Variants in DGKB observed in about 807,000 individuals in gnomAD.
The protein encoded by DGKB is diacylglycerol kinase beta.
Under a neutral mutation model 114.3 loss-of-function variants are expected in DGKB, and 67 were observed. The observed-to-expected ratio is 0.59, with a 90% CI of 0.48 to 0.72. The LOEUF is 0.72. Ranked by LOEUF, DGKB falls within the 30% of genes least tolerant of loss-of-function variation. DGKB has a pLI of 0.00. For synonymous variants in DGKB, 398 were observed against 323.1 expected (o/e 1.23, Z -2.49); for missense variants, 907 against 975.2 (o/e 0.93, Z 0.93).
chr7:14,674,667 T>C (rs1377933998), intron 12 of DGKB, among the ~76,000 whole-genome samples: 3 of 152,042 alleles, frequency 2.0e-5, no homozygotes, highest in Non-Finnish European at 1.5e-5. Context: ...CAATGACTGG[T>C]GTCCTTATAA....
intron 21 of DGKB, among the ~76,000 whole-genome samples, chr7:14,434,679 T>C (rs1828979564): frequency 6.6e-6 from 1 of 152,132 alleles, no homozygotes; most frequent in East Asian, 1.9e-4. Context: ...GTGTATGTTG[T>C]TTTAAGTTAC....
intron 1 of DGKB, among the ~76,000 whole-genome samples, chr7:14,845,124 A>T (rs866233642): frequency 1.2e-5 from 1 of 82,834 alleles, no homozygotes; most frequent in African/African-American, 4.7e-5. Context: ...AAAAAAAAAA[A>T]AAAAAAAAAA....
intron 1 of DGKB, among the ~76,000 whole-genome samples, chr7:14,878,108 A>G (rs926076821): frequency 3.9e-5 from 6 of 152,140 alleles, no homozygotes; most frequent in African/African-American, 1.4e-4. Context: ...ATGTACATAA[A>G]CAAATAGAGC....
At chr7:14,590,054 A>G (rs1425998834) in intron 17 of DGKB, among the ~76,000 whole-genome samples, 1 of 151,580 alleles carries the variant, frequency 6.6e-6, no homozygotes, top group African/African-American at 2.4e-5. Flanking sequence ...AGATATACCT[A>G]ATGCTAGATG....
chr7:14,441,131 C>T (rs982615063), intron 21 of DGKB, among the ~76,000 whole-genome samples: 1 of 152,088 alleles, frequency 6.6e-6, no homozygotes, highest in Non-Finnish European at 1.5e-5. Context: ...ACCTCAGACT[C>T]TCTAGCGGCT....
chr7:14,557,596 T>C (rs901233451), intron 20 of DGKB, among the ~76,000 whole-genome samples: 6 of 152,110 alleles, frequency 3.9e-5, no homozygotes, highest in Admixed American at 3.9e-4. Context: ...AAAAATAACA[T>C]CTTCATGGCT....
At chr7:14,865,478 A>G (rs371426081) in intron 1 of DGKB, among the ~76,000 whole-genome samples, 2 of 152,340 alleles carry the variant, frequency 1.3e-5, no homozygotes. Flanking sequence ...CTCCCCCAGG[A>G]CAGCTTCAAC....
At chr7:14,955,186 T>A (rs1190107568) in intron 1 of DGKB, among the ~76,000 whole-genome samples, 1 of 152,038 alleles carries the variant, frequency 6.6e-6, no homozygotes, top group Non-Finnish European at 1.5e-5. Flanking sequence ...TTAACAAAAA[T>A]CATTTGCAAG....
intron 2 of DGKB, among the ~76,000 whole-genome samples, chr7:14,782,361 A>G (rs1839244053): frequency 6.6e-6 from 1 of 152,322 alleles, no homozygotes; most frequent in South Asian, 2.1e-4. Context: ...AGTAATGAAT[A>G]CTATGATTGC....
intron 17 of DGKB, among the ~76,000 whole-genome samples, chr7:14,584,068 C>G (rs568577735): frequency 2.0e-5 from 3 of 152,250 alleles, no homozygotes; most frequent in African/African-American, 7.2e-5. Context: ...TAAAACTGTG[C>G]TATACATACT....
At chr7:14,637,809 G>C (rs1285055806) in intron 13 of DGKB, among the ~76,000 whole-genome samples, 3 of 151,648 alleles carry the variant, frequency 2.0e-5, no homozygotes, top group Non-Finnish European at 2.9e-5. Flanking sequence ...TAGAATTTCA[G>C]TAATAAATAC....
At chr7:14,401,963 TACACAC>T (rs68097407) in intron 21 of DGKB, among the ~76,000 whole-genome samples, 1 of 148,328 alleles carries the variant, frequency 6.7e-6, no homozygotes, top group African/African-American at 2.5e-5. Context: ...CAATAATTTG[TACACAC>T]ACACACACAC....
At chr7:14,858,747 G>A (rs891237149) in intron 1 of DGKB, among the ~76,000 whole-genome samples, 4 of 152,150 alleles carry the variant, frequency 2.6e-5, no homozygotes, top group African/African-American at 9.6e-5. Flanking sequence ...GGAGCTTTAG[G>A]TAATTGACCA....
At chr7:14,879,326 T>C (rs1047805218) in intron 1 of DGKB, among the ~76,000 whole-genome samples, 2 of 152,166 alleles carry the variant, frequency 1.3e-5, no homozygotes, top group African/African-American at 4.8e-5. Flanking sequence ...TTCCATGCTT[T>C]GCATTCAGTA....
chr7:14,560,858 T>A (rs77774739), intron 20 of DGKB, among the ~76,000 whole-genome samples: 3,070 of 152,312 alleles, frequency 0.02, 107 homozygotes, highest in African/African-American at 0.068. Flanking sequence ...ATCTTCACAA[T>A]CACCTGTTGT....
At chr7:14,932,468 T>C (rs188610378) in intron 1 of DGKB, among the ~76,000 whole-genome samples, 1 of 152,346 alleles carries the variant, frequency 6.6e-6, no homozygotes, top group East Asian at 1.9e-4. Flanking sequence ...CCTAAACTAC[T>C]AATAGTTCTT....
intron 9 of DGKB, among the ~76,000 whole-genome samples, chr7:14,687,248 T>A (rs1821872374): frequency 6.6e-6 from 1 of 152,180 alleles, no homozygotes; most frequent in Non-Finnish European, 1.5e-5. Flanking sequence ...CATAAAACTG[T>A]GGCAAGCTAA....
At chr7:14,264,378 G>A (rs1015875525) in intron 23 of DGKB, among the ~76,000 whole-genome samples, 39 of 152,202 alleles carry the variant, frequency 2.6e-4, no homozygotes, top group African/African-American at 7.7e-4. Context: ...GAAAACAACC[G>A]CTTCTGGGGA....
chr7:14,727,903 G>A (rs1166063490), intron 5 of DGKB, among the ~76,000 whole-genome samples: 1 of 152,160 alleles, frequency 6.6e-6, no homozygotes, highest in Non-Finnish European at 1.5e-5. Context: ...CTTTCAGCAA[G>A]AACATTCAGT....
Sources: gnomAD v4.1 joint callset for allele counts (sites outside exome capture counted in the v4.1 genomes callset) on GRCh38, gnomAD v4.1.1 for gene constraint, MANE v1.5 for transcripts, NCBI Gene and HGNC (gene_info 2026-07-23, HGNC 2026-07-21) for gene names.